The following NRG3 variants were observed in gnomAD, a reference collection of about 807,000 sequenced individuals.
NRG3 encodes pro-neuregulin-3, membrane-bound isoform.
In NRG3, 31 loss-of-function variants were observed where a neutral mutation model predicts 66.9. The observed-to-expected ratio is 0.46, with a 90% CI of 0.35 to 0.63. The LOEUF (loss-of-function observed/expected upper bound fraction) is 0.63, where lower values mean the gene tolerates loss of function less well. Among genes scored for constraint, NRG3 ranks in the 20% least tolerant of loss-of-function variants. The pLI is 0.00. For synonymous variants in NRG3, 393 were observed against 359.4 expected, an observed-to-expected ratio of 1.09 and a Z score of -1.06; for missense variants, 910 against 878.9, an observed-to-expected ratio of 1.04 and a Z score of -0.45.
chr10:82,016,307 G>A (rs938745416), intron 1 of NRG3, among the ~76,000 whole-genome samples: 4 of 152,108 alleles, frequency 2.6e-5, no homozygotes, highest in African/African-American at 9.7e-5. Flanking sequence ...GGGCAGGAAA[G>A]TGACATTTGA....
intron 1 of NRG3, among the ~76,000 whole-genome samples, chr10:81,938,877 A>G (rs909208418): frequency 6.6e-6 from 1 of 152,020 alleles, no homozygotes; most frequent in Non-Finnish European, 1.5e-5. Context: ...CTTGTTGAGT[A>G]TAATGTTAAC....
At chr10:82,171,046 G>C (rs920636379) in intron 1 of NRG3, among the ~76,000 whole-genome samples, 10 of 151,586 alleles carry the variant, frequency 6.6e-5, no homozygotes, top group African/African-American at 2.4e-4. Flanking sequence ...AGATACTCTG[G>C]CTTTATTAGT....
intron 2 of NRG3, among the ~76,000 whole-genome samples, chr10:82,539,673 C>A (rs529892298): frequency 6.6e-6 from 1 of 151,656 alleles, no homozygotes; most frequent in Non-Finnish European, 1.5e-5. Flanking sequence ...TCGCTTTGTC[C>A]CCCAGGCTGG....
At chr10:82,467,735 G>T (rs1341257905) in intron 2 of NRG3, among the ~76,000 whole-genome samples, 1 of 152,138 alleles carries the variant, frequency 6.6e-6, no homozygotes, top group Non-Finnish European at 1.5e-5. Context: ...AACAGCTCTG[G>T]GCCTTCTACC....
intron 2 of NRG3, among the ~76,000 whole-genome samples, chr10:82,414,596 G>T (rs2088392135): frequency 6.6e-6 from 1 of 152,096 alleles, no homozygotes; most frequent in Non-Finnish European, 1.5e-5. Context: ...AAAAAACTCA[G>T]TATCTGCAAA....
intron 4 of NRG3, among the ~76,000 whole-genome samples, chr10:82,872,980 T>C (rs920203073): frequency 6.6e-6 from 1 of 152,166 alleles, no homozygotes; most frequent in Non-Finnish European, 1.5e-5. Flanking sequence ...ACAACTTCAG[T>C]AAAAACAAGT....
At chr10:82,310,133 G>T (rs577543782) in intron 1 of NRG3, among the ~76,000 whole-genome samples, 1 of 152,258 alleles carries the variant, frequency 6.6e-6, no homozygotes, top group African/African-American at 2.4e-5. Context: ...AATGCTGTCA[G>T]AGTAATCTTT....
At chr10:82,228,422 G>A (rs2076276392) in intron 1 of NRG3, among the ~76,000 whole-genome samples, 1 of 152,052 alleles carries the variant, frequency 6.6e-6, no homozygotes, top group Non-Finnish European at 1.5e-5. Flanking sequence ...TGTTTTTAGT[G>A]GGAATAAAAC....
intron 2 of NRG3, among the ~76,000 whole-genome samples, chr10:82,604,777 A>T (rs1401347487): frequency 6.6e-6 from 1 of 152,184 alleles, no homozygotes; most frequent in Non-Finnish European, 1.5e-5. Flanking sequence ...TGGTGCTGAA[A>T]CAACTGAACT....
rs148970658 is a variant in NRG3 at position 82,247,999 on chromosome 10, A to T, written c.824-110740A>T. On this transcript the variant is annotated intron_variant, in intron 1 of 8. Transcript: ENST00000372141. ...TTACTTAACTCCATCAGAATTTTACATACTCTTATTTCTGATTTTATTATT... is the reference window on the plus strand; with the variant it reads ...TTACTTAACTCCATCAGAATTTTACTTACTCTTATTTCTGATTTTATTATT... Among the ~76,000 whole-genome samples the T allele has an allele frequency of 2.6e-3, 396 of 152,244 alleles. 2 individuals are homozygous for T. Among genetic ancestry groups the T allele is most frequent in the African/African-American group, 9.0e-3 (372 of 41,552 alleles).
chr10:82,552,452 T>G (rs1310740456), intron 2 of NRG3, among the ~76,000 whole-genome samples: 1 of 152,198 alleles, frequency 6.6e-6, no homozygotes, highest in Admixed American at 6.6e-5. Context: ...AGATGATATT[T>G]TCTATTTAAA....
chr10:82,123,307 A>G (rs983472168), intron 1 of NRG3, among the ~76,000 whole-genome samples: 3 of 152,160 alleles, frequency 2.0e-5, no homozygotes, highest in African/African-American at 7.2e-5. Flanking sequence ...TTGACCTCCA[A>G]AATAGAATGC....
At chr10:81,936,280 G>A (rs1414306578) in intron 1 of NRG3, among the ~76,000 whole-genome samples, 1 of 152,134 alleles carries the variant, frequency 6.6e-6, no homozygotes, top group African/African-American at 2.4e-5. Context: ...AAATCTCTGA[G>A]TTTGAAAAGA....
intron 2 of NRG3, among the ~76,000 whole-genome samples, chr10:82,598,831 C>T (rs1314217101): frequency 6.6e-6 from 1 of 152,090 alleles, no homozygotes; most frequent in Non-Finnish European, 1.5e-5. Context: ...AGGCGGATCA[C>T]CTAAGGTCAG....
intron 2 of NRG3, among the ~76,000 whole-genome samples, chr10:82,480,094 A>G (rs1842137967): frequency 2.0e-5 from 3 of 152,280 alleles, no homozygotes; most frequent in Non-Finnish European, 4.4e-5. Flanking sequence ...GAAAGAAGCC[A>G]AACTCGAAAG....
At chr10:82,583,520 G>T (rs2046485074) in intron 2 of NRG3, among the ~76,000 whole-genome samples, 1 of 152,202 alleles carries the variant, frequency 6.6e-6, no homozygotes, top group South Asian at 2.1e-4. Flanking sequence ...ATTTGGTACT[G>T]TGTTTGTCAT....
intron 1 of NRG3, among the ~76,000 whole-genome samples, chr10:82,287,223 CTGAG>C (rs1432459003): frequency 3.3e-5 from 5 of 151,994 alleles, no homozygotes; most frequent in Non-Finnish European, 5.9e-5. Context: ...CCCGGTGATA[CTGAG>C]TAAGTTCTCA....
intron 1 of NRG3, among the ~76,000 whole-genome samples, chr10:82,145,764 G>T (rs73320367): frequency 0.015 from 2,271 of 152,238 alleles, 58 homozygotes; most frequent in African/African-American, 0.052. Flanking sequence ...TGGTTAAAAT[G>T]AAGATATCTA....
At chr10:82,672,741 T>C (rs1258549059) in intron 2 of NRG3, among the ~76,000 whole-genome samples, 1 of 152,182 alleles carries the variant, frequency 6.6e-6, no homozygotes, top group Non-Finnish European at 1.5e-5. Context: ...CTGCATGGTT[T>C]TTTTGTTCGT....
Sources: gnomAD v4.1 joint callset for allele counts (sites outside exome capture counted in the v4.1 genomes callset) on GRCh38, gnomAD v4.1.1 for gene constraint, MANE v1.5 for transcripts, NCBI Gene and HGNC (gene_info 2026-07-23, HGNC 2026-07-21) for gene names.